The following EYS variants were observed in gnomAD, a reference collection of about 807,000 sequenced individuals.
The protein encoded by EYS is protein eyes shut homolog.
A neutral mutation model predicts 282.1 loss-of-function variants in EYS; 250 were observed. The ratio of observed to expected loss-of-function variants is 0.89; its 90% CI spans 0.80 to 0.98. The LOEUF (loss-of-function observed/expected upper bound fraction) is 0.98. EYS is among the 50% of genes least tolerant of loss of function. The pLI is 0.00. For synonymous variants in EYS, 1,355 were observed against 1,282.9 expected (o/e 1.06, Z -1.20); for missense variants, 4,016 against 3,709.0 (o/e 1.08, Z -2.15).
At chr6:64,656,525 C>A (rs190016413) in intron 22 of EYS, among the ~76,000 whole-genome samples, 1 of 151,886 alleles carries the variant, frequency 6.6e-6, no homozygotes, top group African/African-American at 2.4e-5. Flanking sequence ...ATAAAACACA[C>A]CTAAAGTTGA....
chr6:65,407,544 A>G lies in EYS; in HGVS notation c.863-2177T>C, dbSNP rs186238984. 4.7e-3 allele frequency among the ~76,000 whole-genome samples: 715 copies of G among 152,186 alleles called. 14 individuals carry two copies. The highest frequency in any genetic ancestry group is 0.017 in the African/African-American group (689 of 41,546). On this transcript the variant is annotated intron_variant, in intron 5 of 42. Transcript: ENST00000503581. ...GCTGGGATTACAGGCGTGAGCCACT[A>G]TGCCCGGCCTTGAAGTATTGTTTTT...
chr6:64,802,094 C>T (rs1161592471), intron 22 of EYS, among the ~76,000 whole-genome samples: 1 of 127,412 alleles, frequency 7.8e-6, no homozygotes, highest in Admixed American at 9.9e-5. Context: ...AGTGCAGTAG[C>T]GCGATCTTGG....
intron 31 of EYS, among the ~76,000 whole-genome samples, chr6:64,211,683 T>TTAG (rs200706637): frequency 0.3 from 44,959 of 148,006 alleles, 6,895 homozygotes; most frequent in East Asian, 0.5. Flanking sequence ...TCATACATAA[T>TTAG]TATATATGAA....
intron 12 of EYS, among the ~76,000 whole-genome samples, chr6:65,113,765 A>G (rs1002044471): frequency 1.3e-5 from 2 of 152,014 alleles, no homozygotes; most frequent in Non-Finnish European, 2.9e-5. Context: ...ACTTTTTCCT[A>G]TGACTAATTT....
rs1311822677 is a variant in EYS, at chr6:64,122,284, C to T, written c.6425-40282G>A. Among the ~76,000 whole-genome samples the T allele has an allele frequency of 2.6e-5, 4 of 152,054 alleles. No individual in the cohort carries two copies. The East Asian group carries it at 7.7e-4, about 29-fold the overall frequency. On this transcript the variant is annotated intron_variant, in intron 31 of 42. Coordinates refer to ENST00000503581, the MANE Select transcript of EYS (RefSeq NM_001142800.2). Reference sequence around the variant, plus strand: ...AAATTGCTATTAAATATATAAGAACCACTTTCATAGCATAGCATGAAATCT... The same window carrying T: ...AAATTGCTATTAAATATATAAGAACTACTTTCATAGCATAGCATGAAATCT...
chr6:63,961,206 G>T (rs2149775104), intron 35 of EYS, among the ~76,000 whole-genome samples: 1 of 152,290 alleles, frequency 6.6e-6, no homozygotes, highest in East Asian at 1.9e-4. Context: ...TCAGGCCTCT[G>T]GGTCCAAGCT....
chr6:64,971,114 T>A (rs985313920), intron 14 of EYS, among the ~76,000 whole-genome samples: 1 of 152,102 alleles, frequency 6.6e-6, no homozygotes, highest in Non-Finnish European at 1.5e-5. Flanking sequence ...GCTGGAAAAT[T>A]TAATGCCAAC....
chr6:64,270,610 A>G (rs1361577898), intron 30 of EYS, among the ~76,000 whole-genome samples: 3 of 152,210 alleles, frequency 2.0e-5, no homozygotes, highest in African/African-American at 4.8e-5. Context: ...CAAGTGACAG[A>G]TTGATATGTG....
At chr6:65,568,420 C>T (rs1764361866) in intron 2 of EYS, among the ~76,000 whole-genome samples, 1 of 151,560 alleles carries the variant, frequency 6.6e-6, no homozygotes, top group Admixed American at 6.6e-5. Context: ...CATTTGCATG[C>T]CATTTTTCTT....
At chr6:64,596,614 T>C (rs550786109) in intron 24 of EYS, among the ~76,000 whole-genome samples, 2 of 152,228 alleles carry the variant, frequency 1.3e-5, no homozygotes, top group African/African-American at 4.8e-5. Flanking sequence ...AGAGAAAGAA[T>C]GCTATCTTCA....
At chr6:64,182,454 C>T (rs948140057) in intron 31 of EYS, among the ~76,000 whole-genome samples, 2 of 152,084 alleles carry the variant, frequency 1.3e-5, no homozygotes, top group African/African-American at 4.8e-5. Context: ...GAGTCCATTG[C>T]CCCAACATAC....
intron 14 of EYS, among the ~76,000 whole-genome samples, chr6:64,975,224 A>G (rs1323250927): frequency 6.6e-6 from 1 of 151,896 alleles, no homozygotes; most frequent in Admixed American, 6.6e-5. Flanking sequence ...TGAATAAGAT[A>G]TAAAAACGAT....
intron 1 of EYS, among the ~76,000 whole-genome samples, chr6:65,641,648 G>A (rs576076667): frequency 2.0e-5 from 3 of 152,172 alleles, no homozygotes; most frequent in Non-Finnish European, 4.4e-5. Context: ...ACTGCGTACT[G>A]TTTTACTGCA....
At chr6:64,618,941 TA>T (rs1767360047) in intron 23 of EYS, among the ~76,000 whole-genome samples, 1 of 152,204 alleles carries the variant, frequency 6.6e-6, no homozygotes, top group African/African-American at 2.4e-5. Context: ...ACATATTGCA[TA>T]AAAATACACC....
chr6:64,953,050 T>C (rs1769566499), intron 14 of EYS, among the ~76,000 whole-genome samples: 1 of 151,924 alleles, frequency 6.6e-6, no homozygotes, highest in Admixed American at 6.6e-5. Context: ...AGAAAAAGAC[T>C]TTTTTAAAAG....
intron 1 of EYS, among the ~76,000 whole-genome samples, chr6:65,695,137 A>G (rs1769399384): frequency 6.6e-6 from 1 of 152,124 alleles, no homozygotes; most frequent in Non-Finnish European, 1.5e-5. Context: ...GTGTCCATGT[A>G]CATAGAAATA....
chr6:64,152,487 C>T (rs573924815), intron 31 of EYS, among the ~76,000 whole-genome samples: 1 of 152,128 alleles, frequency 6.6e-6, no homozygotes, highest in Non-Finnish European at 1.5e-5. Context: ...TACCTTGCTG[C>T]TTCTATAATT....
At chr6:64,508,297 C>T (rs1008822124) in intron 26 of EYS, among the ~76,000 whole-genome samples, 1 of 141,602 alleles carries the variant, frequency 7.1e-6, no homozygotes, top group African/African-American at 2.8e-5. Context: ...AAATAATGTC[C>T]GTTTAAAGCT....
At chr6:64,417,770 A>C (rs1020530530) in intron 28 of EYS, among the ~76,000 whole-genome samples, 2 of 147,782 alleles carry the variant, frequency 1.4e-5, no homozygotes, top group Admixed American at 1.4e-4. Context: ...TCCTGGGTTC[A>C]AGAGATTCTT....
Sources: allele counts gnomAD v4.1 joint callset (sites outside exome capture counted in the v4.1 genomes callset), GRCh38; gene constraint gnomAD v4.1.1; transcripts MANE v1.5; gene names NCBI Gene and HGNC (gene_info 2026-07-23, HGNC 2026-07-21).